Variants in ZNF180 observed in about 807,000 individuals in gnomAD.
ZNF180 encodes zinc finger protein 180.
ZNF180 carries 11 observed loss-of-function variants against 11.8 expected under a neutral mutation model. That is an observed-to-expected ratio of 0.93 (90% CI 0.59 to 1.55). ZNF180 has a LOEUF of 1.55. Ranked by LOEUF, ZNF180 falls within the 40% of genes most tolerant of loss-of-function variation. The pLI, the probability that ZNF180 is intolerant of heterozygous loss-of-function variation, is 0.00. For synonymous variants in ZNF180, 287 were observed against 257.7 expected, an observed-to-expected ratio of 1.11 and a Z score of -1.09; for missense variants, 773 against 781.7, an observed-to-expected ratio of 0.99 and a Z score of 0.13.
intron 2 of ZNF180, among the ~76,000 whole-genome samples, chr19:44,485,586 T>C (rs1970208741): frequency 6.6e-6 from 1 of 152,232 alleles, no homozygotes; most frequent in South Asian, 2.1e-4. Context: ...CTGTTGCTAA[T>C]GACTCCAGCT....
intron 2 of ZNF180, among the ~76,000 whole-genome samples, chr19:44,492,747 A>G (rs1353959570): frequency 1.3e-5 from 2 of 151,050 alleles, no homozygotes; most frequent in African/African-American, 2.5e-5. Context: ...TCACAGAAAT[A>G]TTACTGGACT....
chr19:44,481,786 A>C (rs2686756), intron 3 of ZNF180, among the ~76,000 whole-genome samples: 112,243 of 152,096 alleles, frequency 0.74, 42,178 homozygotes, highest in East Asian at 1. Flanking sequence ...AATAAACCTT[A>C]TAAGATATCA....
rs1426293106 is a variant in ZNF180, at chr19:44,495,303, G to A, written c.51+1981C>T. On this transcript the variant is annotated intron_variant, in intron 2 of 4. Transcript: ENST00000592529. The surrounding 1 kb of genome is among the most constrained non-coding windows in gnomAD (Gnocchi z 4.5). ...ACACTCGGCCACCCTCTGCCCAGGG[G>A]AGCTCCTCACCCTGCTTAGGCTTTG... Among the ~76,000 whole-genome samples, 1 of 151,892 alleles carries A rather than the reference G, an allele frequency of 6.6e-6. No homozygotes were observed. The highest frequency in any genetic ancestry group is 1.5e-5 in the Non-Finnish European group (1 of 67,952).
chr19:44,478,824 G>GA (rs1291110459), intron 4 of ZNF180, among the ~76,000 whole-genome samples: 3 of 152,136 alleles, frequency 2.0e-5, no homozygotes, highest in Admixed American at 6.5e-5. Flanking sequence ...GGGAAATGAA[G>GA]AAAAAATGTG....
chr19:44,476,597 A>G lies in ZNF180; in HGVS notation c.1803T>C (p.Thr601=), dbSNP rs1441178390. 4 of 1,614,142 alleles carry G rather than the reference A, an allele frequency of 2.5e-6. No homozygotes were observed. The highest frequency in any genetic ancestry group is 2.2e-5 in the East Asian group (1 of 44,876). Residue 601 remains threonine, a synonymous_variant, in exon 5 of 5, where the codon ACT becomes ACC. Transcript: ENST00000592529. ...GATTACATTCAAATGGTTTCTCTCC[A>G]GTATGAGTTCTCTGATGTTGAGTAA... is the stretch of plus-strand genomic sequence containing the variant. ...SCLTQHQRTH[T]GEKPFECNQC... is the part of the protein sequence containing the mutation.
rs939698797 is a variant in ZNF180, at chr19:44,478,042, G to A, written c.358C>T (p.Pro120Ser). 61 of 1,613,874 alleles carry A rather than the reference G, an allele frequency of 3.8e-5. No homozygotes were observed. Among genetic ancestry groups the A allele is most frequent in the Non-Finnish European group, 4.7e-5 (55 of 1,179,948 alleles). ...ACTTCTTCACATGAAGATAACCAAG[G>A]ATCATCCCTTGTAAACCTTTCTATC... is the stretch of plus-strand genomic sequence containing the variant. Reference protein sequence around the residue: ...VKIERFTRDDPWLSSCEEVDD... With the variant: ...VKIERFTRDDSWLSSCEEVDD... The change falls in exon 5 of 5, where the codon CCT (proline) becomes TCT (serine). Residue 120 changes from proline to serine, a missense_variant. Coordinates refer to ENST00000592529, the MANE Select transcript of ZNF180 (RefSeq NM_001278509.3).
In ZNF180 at chr19:44,477,432, TC is replaced by T. The variant is rs769404836; in HGVS notation, c.967del (p.Glu323ArgfsTer295). ...LTQNMRNNSE[E>X]KPFECNQCGK... The stretch of plus-strand genomic sequence containing the variant: ...ACACTGATTACATTCAAAAGGTTTC[TC>T]TTCAGAATTATTTCTCATGTTTTGA... On this transcript the variant is annotated frameshift_variant, in exon 5 of 5. Transcript: ENST00000592529. LOFTEE classifies it low-confidence loss of function (END_TRUNC). 2 of 1,614,216 alleles carry T rather than the reference TC, an allele frequency of 1.2e-6. No individual in the cohort carries two copies. Among genetic ancestry groups the T allele is most frequent in the Middle Eastern group, 3.3e-4 (2 of 6,062 alleles).
intron 2 of ZNF180, among the ~76,000 whole-genome samples, chr19:44,488,410 G>A (rs1413030655): frequency 6.6e-5 from 10 of 152,152 alleles, no homozygotes; most frequent in Admixed American, 3.3e-4. Context: ...GATTGCAGGC[G>A]TGCGCCGCCA....
At chr19:44,488,128 TTCTCTTTCCACGGTCTCCCTCTCCC>T (rs1970285188) in intron 2 of ZNF180, among the ~76,000 whole-genome samples, 1 of 31,984 alleles carries the variant, frequency 3.1e-5, no homozygotes, top group Non-Finnish European at 6.8e-5. Flanking sequence ...CTCCCTCTCC[TTCTCTTTCCACGGTCTCCCTCTCCC>T]TCTCTTTCCA....
chr19:44,488,357 C>G (rs1301942777), intron 2 of ZNF180, among the ~76,000 whole-genome samples: 2 of 152,136 alleles, frequency 1.3e-5, no homozygotes, highest in African/African-American at 4.8e-5. Flanking sequence ...CTCACTGCAA[C>G]CTCCCTGCCT....
At position 44,495,841 on chromosome 19, in the gene ZNF180, G is replaced by A. The variant is rs569689842; in HGVS notation, c.51+1443C>T. Among the ~76,000 whole-genome samples the A allele has an allele frequency of 1.5e-4, 23 of 152,280 alleles. 1 individual carries two copies. In the South Asian group the frequency reaches 4.8e-3, roughly 32 times the overall value. Reference sequence around the variant, plus strand: ...CACCCTGCTTGGTCACTGACACCCTGCACATGGACACTCTCTTCACAGCAG... The same window carrying A: ...CACCCTGCTTGGTCACTGACACCCTACACATGGACACTCTCTTCACAGCAG... On this transcript the variant is annotated intron_variant, in intron 2 of 4. Coordinates refer to ENST00000592529, the MANE Select transcript of ZNF180 (RefSeq NM_001278509.3). This position sits in a 1 kb window ranked among gnomAD's most constrained non-coding sequence, Gnocchi z 4.5.
At chr19:44,497,418 C>T (rs1248505642) in intron 1 of ZNF180, 41 bp from the exon 2 acceptor site, 1 of 1,544,230 alleles carries the variant, frequency 6.5e-7, no homozygotes. Flanking sequence ...TGTAGGTCTG[C>T]CGGAACCGCT....
At chr19:44,487,204 A>C (rs1046170049) in intron 2 of ZNF180, among the ~76,000 whole-genome samples, 2 of 152,218 alleles carry the variant, frequency 1.3e-5, no homozygotes, top group Non-Finnish European at 2.9e-5. Context: ...AAAATATTTT[A>C]CTATTACAGT....
rs1970548422 is a variant in ZNF180, at chr19:44,495,251, C to T, written c.51+2033G>A. Among the ~76,000 whole-genome samples, 1 of 152,126 alleles carries T rather than the reference C, an allele frequency of 6.6e-6. No individual in the cohort carries two copies. The highest frequency in any genetic ancestry group is 1.5e-5 in the Non-Finnish European group (1 of 68,018). ...GACGCCCTCTCCCTATGGATGCTTT[C>T]CCAGACTCCCTGGGCTCTGCCACCC... On this transcript the variant is annotated intron_variant, in intron 2 of 4. Coordinates refer to ENST00000592529, the MANE Select transcript of ZNF180 (RefSeq NM_001278509.3). This position sits in a 1 kb window ranked among gnomAD's most constrained non-coding sequence, Gnocchi z 4.5.
chr19:44,491,255 G>A (rs1457596143), intron 2 of ZNF180, among the ~76,000 whole-genome samples: 3 of 152,216 alleles, frequency 2.0e-5, no homozygotes, highest in East Asian at 3.8e-4. Flanking sequence ...CCTTTGTTGG[G>A]TGCCTTTTCT....
intron 2 of ZNF180, among the ~76,000 whole-genome samples, chr19:44,486,697 A>T (rs1030147982): frequency 9.9e-5 from 15 of 152,156 alleles, no homozygotes; most frequent in Non-Finnish European, 4.4e-5. Context: ...TGAGCCCAGG[A>T]GTTCGAGCCC....
intron 2 of ZNF180, among the ~76,000 whole-genome samples, chr19:44,489,987 GA>G (rs1339112980): frequency 3.3e-5 from 3 of 92,292 alleles, no homozygotes; most frequent in African/African-American, 1.5e-4. Context: ...AAGAAAGAAA[GA>G]AAAAGCAAGA....
chr19:44,490,321 C>G (rs1021978657), intron 2 of ZNF180, among the ~76,000 whole-genome samples: 6 of 152,178 alleles, frequency 3.9e-5, no homozygotes, highest in African/African-American at 1.4e-4. Context: ...CTGGCCTAAA[C>G]TGCCTTGAAA....
Position 44,477,309 on chromosome 19 carries a change from C to T in ZNF180, c.1091G>A (p.Ser364Asn). ...YECSECGKSF[S>N]RSSHLVSHQR... is the part of the protein sequence containing the mutation. ...ATGGGAAACAAGGTGCGAGCTCCGGCTGAAGGATTTTCCACATTCACTACA... is the reference window on the plus strand; with the variant it reads ...ATGGGAAACAAGGTGCGAGCTCCGGTTGAAGGATTTTCCACATTCACTACA... The change falls in exon 5 of 5, where the codon AGC (serine) becomes AAC (asparagine). Residue 364 changes from serine (S) to asparagine (N), a missense_variant. Physicochemically the swap from Ser to Asn is conservative, Grantham distance 46. Transcript: ENST00000592529. The T allele has an allele frequency of 6.2e-7, 1 of 1,612,192 alleles. No individual in the cohort carries two copies. Among genetic ancestry groups the T allele is most frequent in the Non-Finnish European group, 8.5e-7 (1 of 1,178,694 alleles).
Sources: allele counts gnomAD v4.1 joint callset (sites outside exome capture counted in the v4.1 genomes callset), GRCh38; gene constraint gnomAD v4.1.1; non-coding constraint Gnocchi (gnomAD v3.1); transcripts MANE v1.5; gene names NCBI Gene and HGNC (gene_info 2026-07-23, HGNC 2026-07-21).